The following SH2B3 variants were observed in gnomAD, a reference collection of about 807,000 sequenced individuals.
SH2B3 encodes SH2B adaptor protein 3, also known as SH2B adapter protein 3.
Under a neutral mutation model 51.9 loss-of-function variants are expected in SH2B3, and 43 were observed. The observed-to-expected ratio is 0.83, with a 90% confidence interval of 0.65 to 1.07. SH2B3 has a LOEUF of 1.07. Ranked by LOEUF, SH2B3 falls within the 50% of genes least tolerant of loss-of-function variation. The pLI is 0.00. For synonymous variants in SH2B3, 396 were observed against 376.0 expected (o/e 1.05, Z -0.62); for missense variants, 952 against 834.3 (o/e 1.14, Z -1.74).
chr12:111,427,699 C>T (rs1049666864), intron 2 of SH2B3, among the ~76,000 whole-genome samples: 33 of 152,342 alleles, frequency 2.2e-4, no homozygotes, highest in African/African-American at 7.9e-4. Flanking sequence ...GTCTTGAAGT[C>T]CTGCCAGCCC....
At chr12:111,422,627 C>A (rs1871649806) in intron 2 of SH2B3, among the ~76,000 whole-genome samples, 1 of 150,996 alleles carries the variant, frequency 6.6e-6, no homozygotes, top group Admixed American at 6.6e-5. Context: ...GTGGCGCAAT[C>A]TCGGCTCACT....
intron 2 of SH2B3, among the ~76,000 whole-genome samples, chr12:111,419,285 C>T (rs997510310): frequency 1.3e-5 from 2 of 151,948 alleles, no homozygotes; most frequent in South Asian, 2.1e-4. Context: ...GCCTGGGTGA[C>T]GGAGTAAGAC....
chr12:111,428,305 C>G (rs573331537), intron 2 of SH2B3, among the ~76,000 whole-genome samples: 1 of 152,304 alleles, frequency 6.6e-6, no homozygotes, highest in South Asian at 2.1e-4. Flanking sequence ...GGACTTAGCC[C>G]TCAGCCCTGA....
At chr12:111,424,619 G>A (rs892394586) in intron 2 of SH2B3, among the ~76,000 whole-genome samples, 1 of 152,106 alleles carries the variant, frequency 6.6e-6, no homozygotes, top group African/African-American at 2.4e-5. Flanking sequence ...GGTGGTTGCT[G>A]CGGGGCCTGG....
intron 1 of SH2B3, among the ~76,000 whole-genome samples, chr12:111,414,676 T>G (rs1211183818): frequency 1.3e-5 from 2 of 151,874 alleles, no homozygotes; most frequent in African/African-American, 4.8e-5. Context: ...GGGTTTCTTG[T>G]GGAGATCGGC....
Position 111,447,712 on chromosome 12 carries a change from T to A in SH2B3, c.1293T>A (p.Phe431Leu). Reference sequence around the variant, plus strand: ...AGTGCCGTGTGCAGCACCTCCACTTTCCCTCGGTCGTGGACATGCTCCACC... The same window carrying A: ...AGTGCCGTGTGCAGCACCTCCACTTACCCTCGGTCGTGGACATGCTCCACC... ...RGQCRVQHLHFPSVVDMLHHF... is the reference protein window; with the variant it reads ...RGQCRVQHLHLPSVVDMLHHF... Residue 431 changes from phenylalanine (F) to leucine (L), a missense_variant, in exon 7 of 8, where the codon TTT (phenylalanine) becomes TTA (leucine). By Grantham distance (22) the Phe-to-Leu change is conservative. Coordinates refer to ENST00000341259, the MANE Select transcript of SH2B3 (RefSeq NM_005475.3). 6.2e-7 allele frequency: 1 copy of A among 1,613,896 alleles called. No homozygotes were observed. The highest frequency in any genetic ancestry group is 1.1e-5 in the South Asian group (1 of 91,082).
chr12:111,431,257 T>C (rs942020473), intron 2 of SH2B3, among the ~76,000 whole-genome samples: 3 of 152,042 alleles, frequency 2.0e-5, no homozygotes, highest in African/African-American at 4.8e-5. Context: ...CCCCACCCCA[T>C]GCCTGACTCG....
intron 2 of SH2B3, among the ~76,000 whole-genome samples, chr12:111,420,367 CAAAA>C (rs59301682): frequency 1.4e-4 from 9 of 64,458 alleles, no homozygotes; most frequent in East Asian, 4.4e-4. Context: ...GACCCTGTCT[CAAAA>C]AAAAAAAAAA....
At chr12:111,442,596 T>C (rs1475433749) in intron 2 of SH2B3, among the ~76,000 whole-genome samples, 1 of 152,194 alleles carries the variant, frequency 6.6e-6, no homozygotes, top group Non-Finnish European at 1.5e-5. Flanking sequence ...CCCTTGCTGC[T>C]GGGGTGTGTC....
At chr12:111,444,198 A>C (rs1873703773) in intron 2 of SH2B3, 1 of 152,208 alleles carries the variant, frequency 6.6e-6, no homozygotes, top group African/African-American at 2.4e-5. Flanking sequence ...CTGTCTCAAA[A>C]AACAAAAACA....
chr12:111,444,059 G>C (rs1201816706), intron 2 of SH2B3: 1 of 152,272 alleles, frequency 6.6e-6, no homozygotes, highest in Admixed American at 6.5e-5. Context: ...GCTGGGTGTG[G>C]TGGCAGGTGC....
At chr12:111,419,873 A>G (rs1433231591) in intron 2 of SH2B3, among the ~76,000 whole-genome samples, 2 of 152,166 alleles carry the variant, frequency 1.3e-5, no homozygotes, top group Non-Finnish European at 2.9e-5. Flanking sequence ...ATACCACATG[A>G]GGTTTAGTCG....
intron 2 of SH2B3, among the ~76,000 whole-genome samples, chr12:111,424,357 C>G (rs1346289741): frequency 6.6e-6 from 1 of 151,976 alleles, no homozygotes; most frequent in African/African-American, 2.4e-5. Flanking sequence ...TGGGAGCACT[C>G]CATGAGTGCT....
chr12:111,448,173 A>G lies in SH2B3; in HGVS notation c.1599A>G (p.Glu533=), dbSNP rs1874233132. ...TCTTCCACCTGGTGCCTTCGCCCGA[A>G]GAACTGGCCAACAGCCTGCAGCACC... ...EQIFHLVPSP[E]ELANSLQHLE... is the part of the protein sequence containing the mutation. The change falls in exon 8 of 8, where the codon GAA becomes GAG. Residue 533 remains glutamate (E), a synonymous_variant. Coordinates refer to ENST00000341259, the MANE Select transcript of SH2B3 (RefSeq NM_005475.3). 6.2e-7 allele frequency: 1 copy of G among 1,614,138 alleles called. No individual in the cohort carries two copies. Among genetic ancestry groups the G allele is most frequent in the African/African-American group, 1.3e-5 (1 of 75,028 alleles).
At chr12:111,447,949 T>G (rs755410234) in intron 7 of SH2B3, 34 bp from the exon 8 acceptor site, 2 of 1,566,798 alleles carry the variant, frequency 1.3e-6, no homozygotes, top group African/African-American at 1.4e-5. Flanking sequence ...GCCTCAAGAC[T>G]GATGGTGTGG....
intron 2 of SH2B3, among the ~76,000 whole-genome samples, chr12:111,440,924 A>G (rs892545465): frequency 1.3e-5 from 2 of 152,088 alleles, no homozygotes; most frequent in African/African-American, 4.8e-5. Context: ...AGATCCTTCC[A>G]TACCCTCTGG....
chr12:111,419,874 G>A (rs1455211946), intron 2 of SH2B3, among the ~76,000 whole-genome samples: 1 of 152,194 alleles, frequency 6.6e-6, no homozygotes, highest in African/African-American at 2.4e-5. Context: ...TACCACATGA[G>A]GTTTAGTCGT....
intron 2 of SH2B3, among the ~76,000 whole-genome samples, chr12:111,423,463 G>A (rs896281182): frequency 6.6e-5 from 10 of 152,166 alleles, no homozygotes; most frequent in South Asian, 2.1e-4. Context: ...TCCGCCTCCC[G>A]GGTTCATGCC....
intron 2 of SH2B3, among the ~76,000 whole-genome samples, chr12:111,433,537 A>G (rs1293298959): frequency 6.6e-6 from 1 of 152,014 alleles, no homozygotes; most frequent in Non-Finnish European, 1.5e-5. Context: ...GGTGTGAAGT[A>G]GTTTCTCAGT....
Sources: gnomAD v4.1 joint callset for allele counts (sites outside exome capture counted in the v4.1 genomes callset) on GRCh38, gnomAD v4.1.1 for gene constraint, MANE v1.5 for transcripts, NCBI Gene and HGNC (gene_info 2026-07-23, HGNC 2026-07-21) for gene names.